The following RCHY1 variants were observed in gnomAD, a reference collection of about 807,000 sequenced individuals.
RCHY1 encodes ring finger and CHY zinc finger domain containing 1, also known as RING finger and CHY zinc finger domain-containing protein 1.
A neutral mutation model predicts 41.6 loss-of-function variants in RCHY1; 21 were observed. The observed-to-expected ratio is 0.51, with a 90% CI of 0.36 to 0.73. The LOEUF is 0.73. RCHY1 is among the 30% of genes least tolerant of loss of function. The pLI, the probability that RCHY1 is intolerant of heterozygous loss-of-function variation, is 0.00. For missense variants in RCHY1, 265 were observed against 325.3 expected (o/e 0.81, Z 1.43); for synonymous variants, 79 against 102.9 (o/e 0.77, Z 1.41).
At chr4:75,498,416 A>G (rs1360293893) in intron 3 of RCHY1, among the ~76,000 whole-genome samples, 1 of 151,384 alleles carries the variant, frequency 6.6e-6, no homozygotes, top group Non-Finnish European at 1.5e-5. Flanking sequence ...AGGAAGAGAA[A>G]GAAAAGAAAT....
chr4:75,495,421 T>A lies in RCHY1; in HGVS notation c.327-1242A>T, dbSNP rs146326212. Among the ~76,000 whole-genome samples the A allele has an allele frequency of 2.4e-3, 366 of 152,178 alleles. 1 individual carries two copies. The highest frequency in any genetic ancestry group is 8.2e-3 in the African/African-American group (342 of 41,562). On this transcript the variant is annotated intron_variant, in intron 3 of 8. Coordinates refer to ENST00000324439, the MANE Select transcript of RCHY1 (RefSeq NM_015436.4). Reference sequence around the variant, plus strand: ...CTATTCTCCACTTCTTCTACAATGATAGGGTATTTAGCTAGGCACTGAGCT... The same window carrying A: ...CTATTCTCCACTTCTTCTACAATGAAAGGGTATTTAGCTAGGCACTGAGCT...
chr4:75,506,160 AATCAT>A (rs1320586195), intron 3 of RCHY1, among the ~76,000 whole-genome samples: 1 of 151,744 alleles, frequency 6.6e-6, no homozygotes, highest in Non-Finnish European at 1.5e-5. Flanking sequence ...ATTAGTCTCT[AATCAT>A]ATCAATGCTA....
chr4:75,509,021 T>C, intron 2 of RCHY1, 86 bp from the exon 3 acceptor site: 1 of 1,154,512 alleles, frequency 8.7e-7, no homozygotes, highest in South Asian at 1.5e-5. Context: ...TTCAACTATA[T>C]GCAGTTTATT....
At chr4:75,493,503 G>C (rs1250904961) in intron 4 of RCHY1, among the ~76,000 whole-genome samples, 1 of 151,544 alleles carries the variant, frequency 6.6e-6, no homozygotes, top group Non-Finnish European at 1.5e-5. Flanking sequence ...TACTTATACT[G>C]TTCTGCCTTA....
In RCHY1 at chr4:75,509,307, C is replaced by T. The variant is rs1421636112; in HGVS notation, c.91-11G>A. On this transcript the variant is annotated splice_polypyrimidine_tract_variant and intron_variant, in intron 1 of 8. Coordinates refer to ENST00000324439, the MANE Select transcript of RCHY1 (RefSeq NM_015436.4). ...GTCACAGCAAGGTGCCTAACACCCA[C>T]GGAGAAAAAAGAGATATAGTAAGAA... The T allele has an allele frequency of 1.4e-5, 22 of 1,602,362 alleles. No homozygotes were observed. The highest frequency in any genetic ancestry group is 5.4e-5 in the African/African-American group (4 of 73,866).
intron 8 of RCHY1, among the ~76,000 whole-genome samples, chr4:75,484,332 T>G (rs1400498880): frequency 1.3e-5 from 2 of 152,130 alleles, no homozygotes; most frequent in Non-Finnish European, 2.9e-5. Context: ...TTGAACACAT[T>G]TTCTATCTGA....
intron 3 of RCHY1, among the ~76,000 whole-genome samples, chr4:75,502,663 C>T (rs1376436164): frequency 6.6e-6 from 1 of 152,156 alleles, no homozygotes; most frequent in African/African-American, 2.4e-5. Flanking sequence ...AAATCTGATA[C>T]ATTATGGAAT....
In RCHY1 at chr4:75,482,587, T is replaced by C. The variant is rs1721606240; in HGVS notation, c.737A>G (p.Tyr246Cys). 5 of 1,612,876 alleles carry C rather than the reference T, an allele frequency of 3.1e-6. No homozygotes were observed. The highest frequency in any genetic ancestry group is 3.4e-6 in the Non-Finnish European group (4 of 1,179,206). Reference sequence around the variant, plus strand: ...ACGTCCTCCAGCTTGAGCAGTATTATAGGATTCACAAATCTTACATTTCAT... The same window carrying C: ...ACGTCCTCCAGCTTGAGCAGTATTACAGGATTCACAAATCTTACATTTCAT... Reference protein sequence around the residue: ...LGMKCKICESYNTAQAGGRRI... With the variant: ...LGMKCKICESCNTAQAGGRRI... The change falls in exon 9 of 9, where the codon TAT becomes TGT. Residue 246 changes from tyrosine to cysteine, a missense_variant. By Grantham distance (194) the Tyr-to-Cys change is radical. Transcript: ENST00000324439.
At position 75,496,569 on chromosome 4, in the gene RCHY1, C is replaced by T. The variant is rs113360061; in HGVS notation, c.327-2390G>A. On this transcript the variant is annotated intron_variant, in intron 3 of 8. Coordinates refer to ENST00000324439, the MANE Select transcript of RCHY1 (RefSeq NM_015436.4). ...CACATGGCTAGGAACAGTGCCTGAT[C>T]CCATCAAACAGACTGGGGAAACTCA... Among the ~76,000 whole-genome samples, 732 of 152,196 alleles carry T rather than the reference C, an allele frequency of 4.8e-3. 8 individuals carry two copies. The highest frequency in any genetic ancestry group is 0.017 in the African/African-American group (688 of 41,536).
chr4:75,490,447 T>TTTAAATTA, intron 8 of RCHY1, 134 bp downstream of exon 8: 1 of 566,814 alleles, frequency 1.8e-6, no homozygotes, highest in Non-Finnish European at 2.9e-6. Flanking sequence ...TTTTGTGCTT[T>TTTAAATTA]CCATTAATCA....
At chr4:75,504,789 T>C (rs993151169) in intron 3 of RCHY1, among the ~76,000 whole-genome samples, 2 of 152,208 alleles carry the variant, frequency 1.3e-5, no homozygotes, top group Non-Finnish European at 2.9e-5. Context: ...TTAGTAAAAT[T>C]TCCAGTGAAG....
chr4:75,491,988 G>A, intron 4 of RCHY1, 55 bp from the exon 5 acceptor site: 9 of 1,311,194 alleles, frequency 6.9e-6, no homozygotes, highest in Non-Finnish European at 7.3e-6. Context: ...AAAATGTCAG[G>A]TATAAAAATA....
chr4:75,487,565 A>ATTC (rs1722186842), intron 8 of RCHY1, among the ~76,000 whole-genome samples: 3 of 55,446 alleles, frequency 5.4e-5, no homozygotes, highest in Admixed American at 2.4e-4. Flanking sequence ...ATATATTCAT[A>ATTC]ATATATATAT....
chr4:75,512,765 T>A (rs1314891748), intron 1 of RCHY1, among the ~76,000 whole-genome samples: 1 of 151,948 alleles, frequency 6.6e-6, no homozygotes, highest in Non-Finnish European at 1.5e-5. Flanking sequence ...CCACTAAAAC[T>A]CCTCTTGTCA....
intron 3 of RCHY1, among the ~76,000 whole-genome samples, chr4:75,495,196 G>GT (rs1723086755): frequency 6.6e-6 from 1 of 151,822 alleles, no homozygotes; most frequent in South Asian, 2.1e-4. Context: ...TTACTATGTG[G>GT]TAAAAAGTCA....
intron 3 of RCHY1, among the ~76,000 whole-genome samples, chr4:75,502,559 ATCT>A (rs1723884972): frequency 6.6e-6 from 1 of 152,148 alleles, no homozygotes; most frequent in East Asian, 1.9e-4. Context: ...GAGAAAAGAA[ATCT>A]TCTAAAGAAG....
chr4:75,514,492 G>T (rs1725358882), upstream of RCHY1: 1 of 539,864 alleles, frequency 1.9e-6, no homozygotes, highest in Non-Finnish European at 3.3e-6. Context: ...CTCCGTCGTT[G>T]ACGTTAGTCG....
chr4:75,494,279 T>A, intron 3 of RCHY1, 100 bp from the exon 4 acceptor site: 1 of 806,402 alleles, frequency 1.2e-6, no homozygotes, highest in Non-Finnish European at 2.0e-6. Context: ...TAAAAAAAAT[T>A]TCCAGCCACA....
chr4:75,503,803 G>C (rs980100899), intron 3 of RCHY1, among the ~76,000 whole-genome samples: 1 of 152,122 alleles, frequency 6.6e-6, no homozygotes, highest in Non-Finnish European at 1.5e-5. Flanking sequence ...CATCCTTAAA[G>C]AATGTGTGAT....
Sources: gnomAD v4.1 joint callset for allele counts (sites outside exome capture counted in the v4.1 genomes callset) on GRCh38, gnomAD v4.1.1 for gene constraint, MANE v1.5 for transcripts, NCBI Gene and HGNC (gene_info 2026-07-23, HGNC 2026-07-21) for gene names.